TBX18: variants seen among roughly 807,000 people sequenced by gnomAD.
TBX18 encodes T-box transcription factor 18, also known as T-box transcription factor TBX18.
In TBX18, 21 loss-of-function variants were observed where a neutral mutation model predicts 55.0. The ratio of observed to expected loss-of-function variants is 0.38; its 90% CI spans 0.27 to 0.55. TBX18 has a LOEUF of 0.55. TBX18 is among the 20% of genes least tolerant of loss of function. The probability of loss-of-function intolerance (pLI) is 0.73; values close to 1 mark genes in which losing one functional copy is unlikely to be tolerated. For synonymous variants in TBX18, 342 were observed against 326.1 expected (o/e 1.05, Z -0.53); for missense variants, 840 against 799.6 (o/e 1.05, Z -0.61).
rs1773874155 is a variant in TBX18, at chr6:84,734,074, T to C, written c.*2611A>G. 1.3e-5 allele frequency: 2 copies of C among 152,136 alleles called. No individual in the cohort carries two copies. Among genetic ancestry groups the C allele is most frequent in the Admixed American group, 1.3e-4 (2 of 15,268 alleles). 9.4% of individuals were successfully genotyped at this position (152,136 alleles called of 1,614,324 possible). A position where few individuals can be genotyped will look rare whatever the true frequency, so the allele number is the denominator to read the frequency against. Reference sequence around the variant, plus strand: ...TAGCAGCAACCTCACCCCATCGCGATGTCCCTTGGAATGTTTACTAGTCAA... The same window carrying C: ...TAGCAGCAACCTCACCCCATCGCGACGTCCCTTGGAATGTTTACTAGTCAA... On this transcript the variant is annotated 3_prime_UTR_variant, in exon 8 of 8. Transcript: ENST00000369663.
intron 5 of TBX18, 33 bp from the exon 6 acceptor site, chr6:84,744,358 A>C: frequency 1.3e-6 from 2 of 1,593,594 alleles, no homozygotes; most frequent in Non-Finnish European, 8.6e-7. Context: ...ATCAAATCTT[A>C]TATAAATGTC....
At chr6:84,757,843 T>G (rs1240766838) in intron 3 of TBX18, among the ~76,000 whole-genome samples, 1 of 151,978 alleles carries the variant, frequency 6.6e-6, no homozygotes, top group East Asian at 1.9e-4. Context: ...AAAATAAAAT[T>G]ATATACTTAG....
At chr6:84,757,115 A>C (rs1767512109) in intron 3 of TBX18, among the ~76,000 whole-genome samples, 1 of 152,184 alleles carries the variant, frequency 6.6e-6, no homozygotes, top group Admixed American at 6.5e-5. Flanking sequence ...CACCACCATA[A>C]ATGCAAGCAT....
rs1767750609 is a variant in TBX18, at chr6:84,764,139, G to A, written c.43C>T (p.Leu15Phe). The A allele has an allele frequency of 1.9e-6, 3 of 1,563,906 alleles. No homozygotes were observed. The highest frequency in any genetic ancestry group is 2.3e-5 in the East Asian group (1 of 43,118). ...TCCACCGAGAAAGCGTGCGCCTTGA[G>A]GCTTAGCATGCTGCACGGCGAGCCC... ...RRGSPCSMLS[L>F]KAHAFSVEAL... Residue 15 changes from leucine to phenylalanine, a missense_variant, in exon 1 of 8, where the codon CTC (leucine) becomes TTC (phenylalanine). Transcript: ENST00000369663.
chr6:84,755,967 A>C (rs189838839), intron 4 of TBX18, among the ~76,000 whole-genome samples: 68 of 152,362 alleles, frequency 4.5e-4, no homozygotes, highest in Admixed American at 1.3e-3. Context: ...AAGGCATTTT[A>C]ATCCTGCCTC....
chr6:84,744,712 T>C lies in TBX18; in HGVS notation c.940-387A>G, dbSNP rs74695691. On this transcript the variant is annotated intron_variant, in intron 5 of 7. Coordinates refer to ENST00000369663, the MANE Select transcript of TBX18 (RefSeq NM_001080508.3). ...TGGTTTAATCCTGTTTCTATCTCAA[T>C]AAAGCTAATGAGGAATAACTCGTAT... is the stretch of plus-strand genomic sequence containing the variant. 6.1e-4 allele frequency among the ~76,000 whole-genome samples: 93 copies of C among 152,296 alleles called. No homozygotes were observed. The East Asian group carries it at 0.01, about 16-fold the overall frequency.
chr6:84,740,268 G>T (rs1767013138), intron 6 of TBX18, among the ~76,000 whole-genome samples: 1 of 152,106 alleles, frequency 6.6e-6, no homozygotes, highest in South Asian at 2.1e-4. Flanking sequence ...TTATTTAGTG[G>T]TAAGGATACT....
At chr6:84,760,623 G>C (rs950768604) in intron 2 of TBX18, among the ~76,000 whole-genome samples, 3 of 152,112 alleles carry the variant, frequency 2.0e-5, no homozygotes, top group Non-Finnish European at 2.9e-5. Flanking sequence ...TTTACACTGA[G>C]GGAGTAATGG....
chr6:84,735,334 AAATTT>A lies in TBX18; in HGVS notation c.*1346_*1350del, dbSNP rs1194461414. ...TGCATATATTATTTTAGGAATTAAA[AAATTT>A]AATACTGATTTTAATTTCTCCAGTT... On this transcript the variant is annotated 3_prime_UTR_variant, in exon 8 of 8. Transcript: ENST00000369663. 1.3e-5 allele frequency: 2 copies of A among 152,214 alleles called. No individual in the cohort carries two copies. Among genetic ancestry groups the A allele is most frequent in the Non-Finnish European group, 2.9e-5 (2 of 68,034 alleles). The allele number at this position is 152,214 out of a possible 1,614,324, so 9.4% of individuals were successfully genotyped here. A position where few individuals can be genotyped will look rare whatever the true frequency, so the allele number is the denominator to read the frequency against.
rs937109363 is a variant in TBX18, at chr6:84,732,668, G to A, written c.*4017C>T. 2.6e-5 allele frequency: 4 copies of A among 151,822 alleles called. No homozygotes were observed. Among genetic ancestry groups the A allele is most frequent in the Non-Finnish European group, 2.9e-5 (2 of 67,922 alleles). 9.4% of individuals were successfully genotyped at this position (151,822 alleles called of 1,614,324 possible). On this transcript the variant is annotated 3_prime_UTR_variant, in exon 8 of 8. Transcript: ENST00000369663. ...CTATTCACTATAAAGTAGCAAATAC[G>A]TTACTAAGTATAGCTTCCTTCTGAT...
intron 2 of TBX18, among the ~76,000 whole-genome samples, 182 bp from the exon 3 acceptor site, chr6:84,760,538 A>C (rs527892703): frequency 2.0e-5 from 3 of 152,208 alleles, no homozygotes; most frequent in Non-Finnish European, 2.9e-5. Context: ...GAGATTTTTA[A>C]ATGTAATTTG....
At chr6:84,762,119 T>C (rs1296242582) in intron 2 of TBX18, among the ~76,000 whole-genome samples, 1 of 151,276 alleles carries the variant, frequency 6.6e-6, no homozygotes, top group Non-Finnish European at 1.5e-5. Flanking sequence ...AAGCAAATCA[T>C]AGTTTACTGG....
chr6:84,759,618 T>C (rs1767592494), intron 3 of TBX18, among the ~76,000 whole-genome samples: 1 of 152,070 alleles, frequency 6.6e-6, no homozygotes, highest in African/African-American at 2.4e-5. Context: ...TACTTGATCT[T>C]TACATAAATA....
In TBX18 at chr6:84,737,299, GC is replaced by G; in HGVS notation, c.1209del (p.Asn405ThrfsTer56). On this transcript the variant is annotated frameshift_variant, in exon 8 of 8. Transcript: ENST00000369663. LOFTEE classifies it high-confidence loss of function. ...SSCSSPAFHL[G>X]PNTSQLCSLA... ...AGACTACACAGCTGGCTGGTGTTGG[GC>G]CCCAGATGGAAGGCAGGAGAGGAGC... 6.2e-7 allele frequency: 1 copy of G among 1,606,190 alleles called. No individual in the cohort carries two copies. The highest frequency in any genetic ancestry group is 8.5e-7 in the Non-Finnish European group (1 of 1,176,072).
intron 7 of TBX18, 113 bp from the exon 8 acceptor site, chr6:84,737,522 C>T: frequency 1.7e-6 from 2 of 1,195,792 alleles, no homozygotes; most frequent in East Asian, 2.8e-5. Context: ...AGGAATGCTA[C>T]AGAGATGAAA....
In TBX18 at chr6:84,764,017, G is replaced by A; in HGVS notation, c.165C>T (p.Cys55=). ...EAAGAVDDGG[C]SRGGGAGEKG... ...TTTCGCCCGCGCCGCCGCCGCGGCTGCAGCCTCCGTCGTCCACGGCCCCCG... is the reference window on the plus strand; with the variant it reads ...TTTCGCCCGCGCCGCCGCCGCGGCTACAGCCTCCGTCGTCCACGGCCCCCG... The change falls in exon 1 of 8, where the codon TGC becomes TGT. Residue 55 remains cysteine, a synonymous_variant. Coordinates refer to ENST00000369663, the MANE Select transcript of TBX18 (RefSeq NM_001080508.3). The A allele has an allele frequency of 6.4e-7, 1 of 1,556,350 alleles. No individual in the cohort carries two copies. The highest frequency in any genetic ancestry group is 1.4e-5 in the African/African-American group (1 of 73,606).
At chr6:84,760,725 A>G (rs182022047) in intron 2 of TBX18, among the ~76,000 whole-genome samples, 1 of 152,366 alleles carries the variant, frequency 6.6e-6, no homozygotes, top group Admixed American at 6.5e-5. Flanking sequence ...TGGTAGAAAT[A>G]CAAAATTTGG....
chr6:84,735,817 G>T lies in TBX18; in HGVS notation c.*868C>A, dbSNP rs567873988. Reference sequence around the variant, plus strand: ...ATAGACATTTCTCATTGGAATCAATGAATTTGAGGTGGATTTATTTTCCTT... The same window carrying T: ...ATAGACATTTCTCATTGGAATCAATTAATTTGAGGTGGATTTATTTTCCTT... On this transcript the variant is annotated 3_prime_UTR_variant, in exon 8 of 8. Transcript: ENST00000369663. 2 of 152,120 alleles carry T rather than the reference G, an allele frequency of 1.3e-5. No homozygotes were observed. The highest frequency in any genetic ancestry group is 2.9e-5 in the Non-Finnish European group (2 of 68,012). 9.4% of individuals were successfully genotyped at this position (152,120 alleles called of 1,614,324 possible).
rs1767753038 is a variant in TBX18 at position 84,764,185 on chromosome 6, CCCCGCCCCGCGCCCG to C, written c.-19_-5del. On this transcript the variant is annotated 5_prime_UTR_variant, in exon 1 of 8. Coordinates refer to ENST00000369663, the MANE Select transcript of TBX18 (RefSeq NM_001080508.3). ...AGCCCCTTCGCTTCTCGGCCATCCC[CCCCGCCCCGCGCCCG>C]CCCGCCCCTCTCTCATATACACTCA... 1 of 1,446,460 alleles carries C rather than the reference CCCCGCCCCGCGCCCG, an allele frequency of 6.9e-7. No homozygotes were observed. The highest frequency in any genetic ancestry group is 1.5e-5 in the African/African-American group (1 of 67,276). 89.6% of individuals were successfully genotyped at this position (1,446,460 alleles called of 1,614,324 possible).
Sources: gnomAD v4.1 joint callset for allele counts (sites outside exome capture counted in the v4.1 genomes callset) on GRCh38, gnomAD v4.1.1 for gene constraint, MANE v1.5 for transcripts, NCBI Gene and HGNC (gene_info 2026-07-23, HGNC 2026-07-21) for gene names.